STMN3: variants seen among roughly 807,000 people sequenced by gnomAD.
The protein encoded by STMN3 is stathmin-3.
A neutral mutation model predicts 23.2 loss-of-function variants in STMN3; 24 were observed. That is an observed-to-expected ratio of 1.03 (90% CI 0.75 to 1.45). The LOEUF is 1.45. Among genes scored for constraint, STMN3 ranks in the 40% most tolerant of loss-of-function variants. The pLI, the probability that STMN3 is intolerant of heterozygous loss-of-function variation, is 0.00. For synonymous variants in STMN3, 117 were observed against 103.4 expected, an observed-to-expected ratio of 1.13 and a Z score of -0.80; for missense variants, 235 against 237.6, an observed-to-expected ratio of 0.99 and a Z score of 0.07.
intron 1 of STMN3, among the ~76,000 whole-genome samples, chr20:63,649,951 C>T (rs2089844627): frequency 6.6e-6 from 1 of 152,072 alleles, no homozygotes; most frequent in Admixed American, 6.6e-5. Flanking sequence ...CTCAGCCTCC[C>T]AAGTAGCTAG....
intron 3 of STMN3, 62 bp from the exon 4 acceptor site, chr20:63,642,361 C>T: frequency 1.6e-6 from 2 of 1,244,248 alleles, no homozygotes; most frequent in East Asian, 3.2e-5. Flanking sequence ...CCGGACTCCT[C>T]CCTGCTCTCC....
At chr20:63,653,106 G>C (rs1601065679) in intron 1 of STMN3, among the ~76,000 whole-genome samples, 1 of 151,318 alleles carries the variant, frequency 6.6e-6, no homozygotes, top group East Asian at 2.0e-4. Context: ...CCGACGTCCC[G>C]GTCCCGAGCG....
At chr20:63,644,881 G>C (rs763952595) in intron 1 of STMN3, among the ~76,000 whole-genome samples, 20 of 152,134 alleles carry the variant, frequency 1.3e-4, no homozygotes, top group Non-Finnish European at 2.5e-4. Flanking sequence ...CTTGATCCTG[G>C]ACTTTCTGGC....
chr20:63,642,160 T>A lies in STMN3; in HGVS notation c.431A>T (p.Lys144Met). 2.7e-6 allele frequency: 4 copies of A among 1,472,442 alleles called. No homozygotes were observed. Among genetic ancestry groups the A allele is most frequent in the Non-Finnish European group, 3.6e-6 (4 of 1,101,704 alleles). 91.2% of individuals were successfully genotyped at this position (1,472,442 alleles called of 1,614,324 possible). A position where few individuals can be genotyped will look rare whatever the true frequency, so the allele number is the denominator to read the frequency against. ...GGCCAGGTGTGCCTCGCGGATCTCC[T>A]TGCTGAGCTCCATCTTGTAGTTGAG... is the stretch of plus-strand genomic sequence containing the variant. ...EKLNYKMELSKEIREAHLAAL... is the reference protein window; with the variant it reads ...EKLNYKMELSMEIREAHLAAL... The change falls in exon 4 of 5, where the codon AAG becomes ATG. Residue 144 changes from lysine to methionine, a missense_variant. By Grantham distance (95) the Lys-to-Met change is moderately conservative. Transcript: ENST00000370053.
At chr20:63,643,630 C>CA in intron 3 of STMN3, 126 bp downstream of exon 3, 1 of 1,374,322 alleles carries the variant, frequency 7.3e-7, no homozygotes, top group Non-Finnish European at 9.3e-7. Flanking sequence ...GGAGCCACAG[C>CA]CCCTCCTGCT....
In STMN3 at chr20:63,652,599, G is replaced by C; in HGVS notation, c.19+728C>G. 1 of 985,296 alleles carries C rather than the reference G, an allele frequency of 1.0e-6. No homozygotes were observed. The highest frequency in any genetic ancestry group is 1.2e-6 in the Non-Finnish European group (1 of 829,850). 61.0% of individuals were successfully genotyped at this position (985,296 alleles called of 1,614,324 possible). A position where few individuals can be genotyped will look rare whatever the true frequency, so the allele number is the denominator to read the frequency against. On this transcript the variant is annotated intron_variant, in intron 1 of 4. Coordinates refer to ENST00000370053, the MANE Select transcript of STMN3 (RefSeq NM_015894.4). This position sits in a 1 kb window ranked among gnomAD's most constrained non-coding sequence, Gnocchi z 5.3. ...TTCGAAGGCGGTGGGTCCGCCCCGC[G>C]GGAGGTGGAGGGGCGGGAGGGGCGG...
At chr20:63,644,398 G>A (rs2089793185) in intron 1 of STMN3, 89 bp from the exon 2 acceptor site, 2 of 981,370 alleles carry the variant, frequency 2.0e-6, no homozygotes, top group Non-Finnish European at 3.1e-6. Context: ...CCTCTATCAT[G>A]TCTCTGTGAG....
Position 63,652,646 on chromosome 20 carries a change from T to C in STMN3, c.19+681A>G. On this transcript the variant is annotated intron_variant, in intron 1 of 4. Transcript: ENST00000370053. The surrounding 1 kb of genome is among the most constrained non-coding windows in gnomAD (Gnocchi z 5.3). Reference sequence around the variant, plus strand: ...GCGGAGCCCTCTGGTCTCCGGAGGGTTTGGGGATCGCAGTCGCCCCTCCCC... The same window carrying C: ...GCGGAGCCCTCTGGTCTCCGGAGGGCTTGGGGATCGCAGTCGCCCCTCCCC... 1.0e-6 allele frequency: 1 copy of C among 985,278 alleles called. No homozygotes were observed. Among genetic ancestry groups the C allele is most frequent in the Non-Finnish European group, 1.2e-6 (1 of 829,928 alleles). 61.0% of individuals were successfully genotyped at this position (985,278 alleles called of 1,614,324 possible).
rs1186141738 is a variant in STMN3 at position 63,641,149 on chromosome 20, C to T, written c.*189G>A. 4.6e-6 allele frequency: 3 copies of T among 653,764 alleles called. No homozygotes were observed. Among genetic ancestry groups the T allele is most frequent in the African/African-American group, 1.8e-5 (1 of 56,146 alleles). 40.5% of individuals were successfully genotyped at this position (653,764 alleles called of 1,614,324 possible). On this transcript the variant is annotated 3_prime_UTR_variant, in exon 5 of 5. Transcript: ENST00000370053. ...CGCGTCTCACGCCCGGCGGCTCCTG[C>T]AGGGGAAGCCGTGGTCAGCGACTCA...
At chr20:63,644,078 G>A in intron 2 of STMN3, 136 bp downstream of exon 2, 1 of 1,339,042 alleles carries the variant, frequency 7.5e-7, no homozygotes, top group Non-Finnish European at 1.0e-6. Flanking sequence ...CAGCCCCCAG[G>A]ATGGGCCCCT....
chr20:63,647,765 C>CACGTGTATATATATTATATACAT (rs2089823713), intron 1 of STMN3, among the ~76,000 whole-genome samples: 1 of 112,926 alleles, frequency 8.9e-6, no homozygotes, highest in African/African-American at 3.3e-5. Flanking sequence ...AATATATATA[C>CACGTGTATATATATTATATACAT]ATATATACAC....
chr20:63,647,765 CAT>C lies in STMN3; in HGVS notation c.20-3458_20-3457del, dbSNP rs1555897486. Among the ~76,000 whole-genome samples the C allele has an allele frequency of 2.6e-4, 29 of 112,930 alleles. 1 individual carries two copies. The highest frequency in any genetic ancestry group is 1.4e-3 in the East Asian group (6 of 4,154). 74.1% of individuals were successfully genotyped at this position (112,930 alleles called of 152,430 possible). Reference sequence around the variant, plus strand: ...CACGTGTATATATATAATATATATACATATATACACGTGTATATATATAATAT... The same window carrying C: ...CACGTGTATATATATAATATATATACATATACACGTGTATATATATAATAT... On this transcript the variant is annotated intron_variant, in intron 1 of 4. Transcript: ENST00000370053.
intron 3 of STMN3, 196 bp downstream of exon 3, chr20:63,643,560 C>T (rs1298744224): frequency 3.4e-6 from 3 of 876,628 alleles, no homozygotes; most frequent in African/African-American, 1.8e-5. Context: ...GGATTACAGG[C>T]GTGAGCCACC....
At position 63,652,845 on chromosome 20, in the gene STMN3, C is replaced by G. The variant is rs2089871433; in HGVS notation, c.19+482G>C. The G allele has an allele frequency of 1.0e-6, 1 of 960,990 alleles. No individual in the cohort carries two copies. The highest frequency in any genetic ancestry group is 4.8e-5 in the South Asian group (1 of 20,848). The allele number at this position is 960,990 out of a possible 1,614,324, so 59.5% of individuals were successfully genotyped here. On this transcript the variant is annotated intron_variant, in intron 1 of 4. Coordinates refer to ENST00000370053, the MANE Select transcript of STMN3 (RefSeq NM_015894.4). This position sits in a 1 kb window ranked among gnomAD's most constrained non-coding sequence, Gnocchi z 5.3. ...CCCTCCTTCAGCGCCCCCTCCAGCC[C>G]CTGTGCTGCACTGGCGCGGGGAGCG... is the stretch of plus-strand genomic sequence containing the variant.
At chr20:63,648,351 C>A (rs1376870502) in intron 1 of STMN3, among the ~76,000 whole-genome samples, 1 of 152,010 alleles carries the variant, frequency 6.6e-6, no homozygotes, top group Non-Finnish European at 1.5e-5. Flanking sequence ...GGACTTGGCC[C>A]CTCCAGGCCT....
At chr20:63,647,993 C>G (rs866596884) in intron 1 of STMN3, among the ~76,000 whole-genome samples, 7 of 87,096 alleles carry the variant, frequency 8.0e-5, no homozygotes, top group South Asian at 4.2e-4. Context: ...TATATATATA[C>G]AGAGAGAGAG....
intron 1 of STMN3, among the ~76,000 whole-genome samples, chr20:63,646,575 G>C (rs1332899298): frequency 1.3e-5 from 2 of 151,604 alleles, no homozygotes; most frequent in South Asian, 2.1e-4. Context: ...GGATAGTCTC[G>C]ATCTCCTGAC....
intron 3 of STMN3, 64 bp from the exon 4 acceptor site, chr20:63,642,363 C>G: frequency 8.1e-7 from 1 of 1,236,164 alleles, no homozygotes; most frequent in Non-Finnish European, 1.0e-6. Context: ...GGACTCCTCC[C>G]TGCTCTCCGC....
Position 63,641,240 on chromosome 20 carries a change from G to T in STMN3, c.*98C>A. On this transcript the variant is annotated 3_prime_UTR_variant, in exon 5 of 5. Transcript: ENST00000370053. The stretch of plus-strand genomic sequence containing the variant: ...CATGAAGCTGGGGGCGGGGGTGGGG[G>T]AGGAGGAACAAAAGTTGCATCTAGA... The T allele has an allele frequency of 2.9e-6, 3 of 1,032,134 alleles. No individual in the cohort carries two copies. Among genetic ancestry groups the T allele is most frequent in the South Asian group, 2.7e-5 (2 of 73,694 alleles). The allele number at this position is 1,032,134 out of a possible 1,614,324, so 63.9% of individuals were successfully genotyped here.
Sources: allele counts gnomAD v4.1 joint callset (sites outside exome capture counted in the v4.1 genomes callset), GRCh38; gene constraint gnomAD v4.1.1; non-coding constraint Gnocchi (gnomAD v3.1); transcripts MANE v1.5; gene names NCBI Gene and HGNC (gene_info 2026-07-23, HGNC 2026-07-21).